CEP63: variants seen among roughly 807,000 people sequenced by gnomAD.
CEP63 encodes the protein centrosomal protein 63.
In CEP63, 84 loss-of-function variants were observed where a neutral mutation model predicts 89.1. That is an observed-to-expected ratio of 0.94 (90% CI 0.79 to 1.13). The LOEUF (loss-of-function observed/expected upper bound fraction) is 1.13, where lower values mean the gene tolerates loss of function less well. CEP63 is among the 50% of genes most tolerant of loss of function. The pLI is 0.00. For synonymous variants in CEP63, 267 were observed against 272.5 expected, an observed-to-expected ratio of 0.98 and a Z score of 0.20; for missense variants, 838 against 813.3, an observed-to-expected ratio of 1.03 and a Z score of -0.37.
At chr3:134,692,403 G>A in the CEP63 span, among the ~76,000 whole-genome samples, 2 of 151,694 alleles carry the variant, frequency 1.3e-5, no homozygotes, top group African/African-American at 4.8e-5. Context: ...AAGAATGATG[G>A]TTTCCAGCTT....
intron 11 of CEP63, among the ~76,000 whole-genome samples, chr3:134,573,653 G>A (rs1438104781): frequency 1.3e-5 from 2 of 152,262 alleles, no homozygotes; most frequent in East Asian, 3.9e-4. Context: ...GGTTACTGTA[G>A]CCTTGTAGTA....
At chr3:134,497,541 G>T (rs1940545267) in intron 2 of CEP63, among the ~76,000 whole-genome samples, 1 of 148,072 alleles carries the variant, frequency 6.8e-6, no homozygotes, top group Non-Finnish European at 1.5e-5. Context: ...ATTTAAGAAG[G>T]TTTTTTTTTT....
the CEP63 span, among the ~76,000 whole-genome samples, chr3:134,619,604 C>T: frequency 6.6e-5 from 10 of 152,188 alleles, no homozygotes; most frequent in African/African-American, 9.7e-5. Context: ...TCACTCATCC[C>T]GTTTTCCTGC....
At chr3:134,575,840 T>A (rs530161044), downstream of CEP63, among the ~76,000 whole-genome samples, 1 of 152,274 alleles carries the variant, frequency 6.6e-6, no homozygotes, top group South Asian at 2.1e-4. Flanking sequence ...CTCGAACTCC[T>A]GGGCCCAAGC....
intron 6 of CEP63, among the ~76,000 whole-genome samples, chr3:134,542,056 G>A (rs1410843126): frequency 6.6e-6 from 1 of 151,806 alleles, no homozygotes; most frequent in Non-Finnish European, 1.5e-5. Flanking sequence ...AGAACAGTAA[G>A]AACATTTGAA....
chr3:134,543,991 A>G (rs1012140489), intron 6 of CEP63, among the ~76,000 whole-genome samples: 2 of 149,422 alleles, frequency 1.3e-5, no homozygotes, highest in Non-Finnish European at 3.0e-5. Context: ...TTGCACTGAA[A>G]TCTTGATCGG....
At chr3:134,651,833 C>G in the CEP63 span, among the ~76,000 whole-genome samples, 3 of 152,148 alleles carry the variant, frequency 2.0e-5, no homozygotes, top group East Asian at 5.8e-4. Context: ...CCTGGCCTGC[C>G]CAGCCAACAG....
At chr3:134,627,918 C>T in the CEP63 span, 1 of 857,772 alleles carries the variant, frequency 1.2e-6, no homozygotes, top group African/African-American at 1.7e-5. Flanking sequence ...TTGACCCCTC[C>T]TCTTTACTCT....
chr3:134,676,409 G>A, the CEP63 span, among the ~76,000 whole-genome samples: 7 of 152,182 alleles, frequency 4.6e-5, no homozygotes. Context: ...GTAGATTCTG[G>A]TTGCCAGGGG....
downstream of CEP63, among the ~76,000 whole-genome samples, chr3:134,590,824 A>G (rs1395320967): frequency 6.6e-6 from 1 of 152,208 alleles, no homozygotes; most frequent in Non-Finnish European, 1.5e-5. Context: ...CAGCTACATC[A>G]GGTAACCACT....
intron 5 of CEP63, chr3:134,535,972 C>T (rs1950696588): frequency 6.6e-6 from 1 of 152,186 alleles, no homozygotes; most frequent in Non-Finnish European, 1.5e-5. Flanking sequence ...TCCTACTTTC[C>T]CTTTCATTCA....
At chr3:134,506,505 A>G (rs1446564187) in intron 2 of CEP63, among the ~76,000 whole-genome samples, 2 of 152,344 alleles carry the variant, frequency 1.3e-5, no homozygotes, top group South Asian at 2.1e-4. Flanking sequence ...GCCTGGCTCC[A>G]CAAACCAGAC....
At chr3:134,579,553 A>G (rs890063056), downstream of CEP63, among the ~76,000 whole-genome samples, 1 of 152,198 alleles carries the variant, frequency 6.6e-6, no homozygotes, top group Non-Finnish European at 1.5e-5. Context: ...GCACCTTTTC[A>G]TGTGCTTATT....
the CEP63 span, among the ~76,000 whole-genome samples, chr3:134,776,102 T>C: frequency 6.6e-6 from 1 of 152,248 alleles, no homozygotes; most frequent in Non-Finnish European, 1.5e-5. Flanking sequence ...ATTTTCTTCC[T>C]GTAGCCTAGG....
chr3:134,686,548 G>A, the CEP63 span, among the ~76,000 whole-genome samples: 2 of 152,136 alleles, frequency 1.3e-5, no homozygotes, highest in African/African-American at 2.4e-5. Flanking sequence ...GGGCCTTGAA[G>A]CTTTGCTTAT....
At chr3:134,620,934 C>T in the CEP63 span, 1 of 839,236 alleles carries the variant, frequency 1.2e-6, no homozygotes, top group East Asian at 2.7e-5. Context: ...GCACCTACAG[C>T]CAGTGCTGCT....
the CEP63 span, among the ~76,000 whole-genome samples, chr3:134,688,593 C>A: frequency 1.3e-5 from 2 of 152,176 alleles, no homozygotes; most frequent in African/African-American, 4.8e-5. Flanking sequence ...AGAGTAGACT[C>A]GTGTGTTGTC....
chr3:134,777,078 T>C, the CEP63 span, among the ~76,000 whole-genome samples: 1 of 152,208 alleles, frequency 6.6e-6, no homozygotes, highest in Admixed American at 6.5e-5. Flanking sequence ...AGGAAAGAAG[T>C]GACAAACACA....
chr3:134,533,540 A>G (rs1019906322), intron 5 of CEP63, among the ~76,000 whole-genome samples: 2 of 152,236 alleles, frequency 1.3e-5, no homozygotes. Flanking sequence ...ATTATTGTAT[A>G]TATTGAGAAC....
Sources: allele counts gnomAD v4.1 joint callset (sites outside exome capture counted in the v4.1 genomes callset), GRCh38; gene constraint gnomAD v4.1.1; transcripts MANE v1.5; gene names NCBI Gene and HGNC (gene_info 2026-07-23, HGNC 2026-07-21).